The following SP2 variants were observed in gnomAD, a reference collection of about 807,000 sequenced individuals.
SP2 encodes the protein Sp2 transcription factor.
A neutral mutation model predicts 50.1 loss-of-function variants in SP2; 9 were observed. The observed-to-expected ratio is 0.18, with a 90% confidence interval of 0.11 to 0.31. The LOEUF is 0.31. Among genes scored for constraint, SP2 ranks in the 10% least tolerant of loss-of-function variants. SP2 has a pLI of 1.00. For synonymous variants in SP2, 313 were observed against 326.6 expected, an observed-to-expected ratio of 0.96 and a Z score of 0.45; for missense variants, 581 against 806.5, an observed-to-expected ratio of 0.72 and a Z score of 3.39.
chr17:47,918,197 C>T (rs1305911649), intron 3 of SP2, among the ~76,000 whole-genome samples: 1 of 151,874 alleles, frequency 6.6e-6, no homozygotes, highest in African/African-American at 2.4e-5. Context: ...AACCGAATGA[C>T]TGAGAGTGGG....
rs2035588812 is a variant in SP2 at position 47,924,941 on chromosome 17, G to A, written c.1395G>A (p.Gln465=). 6.2e-7 allele frequency: 1 copy of A among 1,609,528 alleles called. No individual in the cohort carries two copies. Among genetic ancestry groups the A allele is most frequent in the African/African-American group, 1.3e-5 (1 of 74,884 alleles). ...NTGGQQQLTV[Q]NVSGNNLTIS... The stretch of plus-strand genomic sequence containing the variant: ...CAGGGCAGCAGCAGCTGACAGTGCA[G>A]AATGTTTCTGGGAACAACCTGACCA... The change falls in exon 5 of 7, where the codon CAG becomes CAA. Residue 465 remains glutamine (Q), a synonymous_variant. Coordinates refer to ENST00000376741, the MANE Select transcript of SP2 (RefSeq NM_003110.6).
intron 1 of SP2, among the ~76,000 whole-genome samples, chr17:47,907,342 T>C (rs1219954148): frequency 6.6e-6 from 1 of 152,092 alleles, no homozygotes; most frequent in East Asian, 1.9e-4. Flanking sequence ...TGGAATTAAA[T>C]TGGTTTCCAA....
chr17:47,927,404 G>A (rs1237278670), intron 6 of SP2, among the ~76,000 whole-genome samples: 1 of 151,890 alleles, frequency 6.6e-6, no homozygotes, highest in East Asian at 1.9e-4. Flanking sequence ...GCAGTGGCGG[G>A]CATCTGTAGT....
At position 47,927,982 on chromosome 17, in the gene SP2, G is replaced by A. The variant is rs1482835595; in HGVS notation, c.*158G>A. On this transcript the variant is annotated 3_prime_UTR_variant, in exon 7 of 7. Transcript: ENST00000376741. ...AGGAAGGGGCTCTGTTCCCTGTATTGTCCTCCTTCTGAAGCCCCTTGGCTC... is the reference window on the plus strand; with the variant it reads ...AGGAAGGGGCTCTGTTCCCTGTATTATCCTCCTTCTGAAGCCCCTTGGCTC... 2.8e-5 allele frequency: 17 copies of A among 605,052 alleles called. No homozygotes were observed. The East Asian group carries it at 4.5e-4, about 16-fold the overall frequency. 37.5% of individuals were successfully genotyped at this position (605,052 alleles called of 1,614,324 possible). A position where few individuals can be genotyped will look rare whatever the true frequency, so the allele number is the denominator to read the frequency against.
chr17:47,911,660 G>A (rs1258485193), intron 1 of SP2, among the ~76,000 whole-genome samples: 1 of 152,034 alleles, frequency 6.6e-6, no homozygotes, highest in Non-Finnish European at 1.5e-5. Context: ...CAAAAAATTA[G>A]CCGGGCGTGG....
intron 3 of SP2, chr17:47,917,994 G>T: frequency 5.1e-6 from 1 of 194,748 alleles, no homozygotes; most frequent in Non-Finnish European, 1.1e-5. Flanking sequence ...ATCAAATAGG[G>T]CATAAATGAC....
Position 47,915,453 on chromosome 17 carries a change from C to T in SP2, c.84+65C>T, listed in dbSNP as rs1198904092. 2.9e-6 allele frequency: 3 copies of T among 1,033,518 alleles called. No homozygotes were observed. In the East Asian group the frequency reaches 7.6e-5, roughly 26 times the overall value. The allele number at this position is 1,033,518 out of a possible 1,614,324, so 64.0% of individuals were successfully genotyped here. On this transcript the variant is annotated intron_variant, in intron 2 of 6. Coordinates refer to ENST00000376741, the MANE Select transcript of SP2 (RefSeq NM_003110.6). ...ATCCTGGACAGACTCACCGAAAACA[C>T]TCTCTCTTCACTGTCTCACTATAAA... is the stretch of plus-strand genomic sequence containing the variant.
At chr17:47,915,929 G>A (rs1192941758) in intron 2 of SP2, among the ~76,000 whole-genome samples, 1 of 152,058 alleles carries the variant, frequency 6.6e-6, no homozygotes, top group African/African-American at 2.4e-5. Flanking sequence ...TGCTGCCAGG[G>A]GTTCCTTCCT....
chr17:47,904,828 G>GGT (rs1441815871), intron 1 of SP2, among the ~76,000 whole-genome samples: 1 of 152,128 alleles, frequency 6.6e-6, no homozygotes, highest in East Asian at 1.9e-4. Flanking sequence ...AGAGCACAGT[G>GGT]GTGCAATCAT....
chr17:47,930,785 T>C (rs1174428684), downstream of SP2, among the ~76,000 whole-genome samples: 1 of 151,972 alleles, frequency 6.6e-6, no homozygotes, highest in Non-Finnish European at 1.5e-5. Context: ...ACATGTGTAG[T>C]TCCTCCTCTG....
chr17:47,907,673 A>G (rs997839369), intron 1 of SP2, among the ~76,000 whole-genome samples: 4 of 152,228 alleles, frequency 2.6e-5, no homozygotes, highest in African/African-American at 9.6e-5. Flanking sequence ...ACTACTGTTA[A>G]AACCAAGTGG....
At chr17:47,911,736 C>T (rs576093036) in intron 1 of SP2, among the ~76,000 whole-genome samples, 136 of 150,270 alleles carry the variant, frequency 9.1e-4, no homozygotes, top group African/African-American at 3.2e-3. Context: ...ACCCGGGAGG[C>T]GGAGCTTGCA....
intron 1 of SP2, among the ~76,000 whole-genome samples, chr17:47,911,118 T>C (rs2034965485): frequency 6.6e-6 from 1 of 151,666 alleles, no homozygotes; most frequent in African/African-American, 2.4e-5. Context: ...CCCAGCTACT[T>C]GGGGGGCTGA....
chr17:47,911,522 A>AG (rs34067796), intron 1 of SP2, among the ~76,000 whole-genome samples: 4 of 147,562 alleles, frequency 2.7e-5, no homozygotes, highest in African/African-American at 1.0e-4. Flanking sequence ...AAAAAAAAAA[A>AG]GATTGGCCGG....
chr17:47,929,193 C>G (rs2035767844), downstream of SP2, among the ~76,000 whole-genome samples: 1 of 152,240 alleles, frequency 6.6e-6, no homozygotes, highest in Admixed American at 6.5e-5. Context: ...TGCAGGTGTT[C>G]CTGCCTTTTT....
chr17:47,916,635 TACG>T lies in SP2; in HGVS notation c.567_569del (p.Thr192del). On this transcript the variant is annotated inframe_deletion, in exon 3 of 7. Transcript: ENST00000376741. This position sits in a 1 kb window ranked among gnomAD's most constrained non-coding sequence, Gnocchi z 4.7. Reference sequence around the variant, plus strand: ...AGCCAGCCCCCATCCAGAAGTCGAGTACGACCACCACCCCCGTGCAGAGCGGGG... The same window carrying T: ...AGCCAGCCCCCATCCAGAAGTCGAGTACCACCACCCCCGTGCAGAGCGGGG... The T allele has an allele frequency of 6.2e-7, 1 of 1,613,702 alleles. No homozygotes were observed.
intron 1 of SP2, among the ~76,000 whole-genome samples, chr17:47,908,334 ATGTC>A (rs967319636): frequency 3.9e-5 from 6 of 152,132 alleles, no homozygotes; most frequent in African/African-American, 1.4e-4. Flanking sequence ...CGCGGATCCT[ATGTC>A]TCTTGTTTTA....
At chr17:47,910,294 C>T (rs72840229) in intron 1 of SP2, among the ~76,000 whole-genome samples, 4,543 of 152,256 alleles carry the variant, frequency 0.03, 83 homozygotes, top group South Asian at 0.05. Flanking sequence ...AAAAATATCA[C>T]GGTCCGTCAC....
At chr17:47,907,789 G>C (rs1366523501) in intron 1 of SP2, among the ~76,000 whole-genome samples, 2 of 152,190 alleles carry the variant, frequency 1.3e-5, no homozygotes, top group Non-Finnish European at 1.5e-5. Context: ...TGAAAGAAAA[G>C]TTAAGCATAA....
Sources: allele counts gnomAD v4.1 joint callset (sites outside exome capture counted in the v4.1 genomes callset), GRCh38; gene constraint gnomAD v4.1.1; non-coding constraint Gnocchi (gnomAD v3.1); transcripts MANE v1.5; gene names NCBI Gene and HGNC (gene_info 2026-07-23, HGNC 2026-07-21).